ANKH: variants seen among roughly 807,000 people sequenced by gnomAD.
ANKH encodes the protein mineralization regulator ANKH.
In ANKH, 15 loss-of-function variants were observed where a neutral mutation model predicts 49.0. That is an observed-to-expected ratio of 0.31 (90% confidence interval 0.20 to 0.47). The LOEUF (loss-of-function observed/expected upper bound fraction) is 0.47, where lower values mean the gene tolerates loss of function less well. Ranked by LOEUF, ANKH falls within the 20% of genes least tolerant of loss-of-function variation. The probability of loss-of-function intolerance (pLI) is 1.00; values close to 1 mark genes in which losing one functional copy is unlikely to be tolerated. For synonymous variants in ANKH, 273 were observed against 260.0 expected, an observed-to-expected ratio of 1.05 and a Z score of -0.48; for missense variants, 429 against 652.0, an observed-to-expected ratio of 0.66 and a Z score of 3.72.
chr5:14,865,681 T>C (rs1219346514), intron 1 of ANKH, among the ~76,000 whole-genome samples: 1 of 152,234 alleles, frequency 6.6e-6, no homozygotes, highest in African/African-American at 2.4e-5. Flanking sequence ...TGCCATATAC[T>C]GCATCTGTCC....
chr5:14,829,890 C>T, intron 1 of ANKH, among the ~76,000 whole-genome samples: 1 of 152,300 alleles, frequency 6.6e-6, no homozygotes, highest in East Asian at 1.9e-4. Context: ...ATCCACCTAG[C>T]CTCTAAAATG....
rs777229764 is a variant in ANKH at position 14,711,215 on chromosome 5, C to T, written c.1461G>A (p.Met487Ile). The T allele has an allele frequency of 2.3e-5, 37 of 1,614,194 alleles. No homozygotes were observed. The Admixed American group carries it at 5.8e-4, about 25-fold the overall frequency. The change falls in exon 12 of 12, where the codon ATG becomes ATA. Residue 487 changes from methionine to isoleucine, a missense_variant. Met to Ile is a conservative substitution (Grantham distance 10, BLOSUM62 1). Coordinates refer to ENST00000284268, the MANE Select transcript of ANKH (RefSeq NM_054027.6). Reference sequence around the variant, plus strand: ...CCGTGCCTTATTCATTCTCCTCTCTCATTTCCACGATGTCTGTCACCTCCT... The same window carrying T: ...CCGTGCCTTATTCATTCTCCTCTCTTATTTCCACGATGTCTGTCACCTCCT... ...PTEEVTDIVE[M>I]REENE is the part of the protein sequence containing the mutation.
In ANKH at chr5:14,770,323, A is replaced by C. The variant is rs1739393701; in HGVS notation, c.97-1132T>G. Among the ~76,000 whole-genome samples the C allele has an allele frequency of 1.3e-5, 2 of 152,072 alleles. No individual in the cohort carries two copies. Among genetic ancestry groups the C allele is most frequent in the Non-Finnish European group, 1.5e-5 (1 of 68,024 alleles). The stretch of plus-strand genomic sequence containing the variant: ...CTACACGGACACATCATTATTACTC[A>C]AAGACCAGACAGTAGTCCCCCCTTA... On this transcript the variant is annotated intron_variant, in intron 1 of 11. Transcript: ENST00000284268. This position sits in a 1 kb window ranked among gnomAD's most constrained non-coding sequence, Gnocchi z 4.1.
chr5:14,813,742 T>C (rs1243935007), intron 1 of ANKH, among the ~76,000 whole-genome samples: 1 of 152,224 alleles, frequency 6.6e-6, no homozygotes, highest in African/African-American at 2.4e-5. Context: ...AGCTCTCCGT[T>C]GCTTCTTGCC....
intron 1 of ANKH, among the ~76,000 whole-genome samples, chr5:14,791,115 CT>C (rs1740151051): frequency 6.6e-6 from 1 of 152,196 alleles, no homozygotes; most frequent in Non-Finnish European, 1.5e-5. Flanking sequence ...AATATTGGGA[CT>C]TTGGCCTCTA....
intron 1 of ANKH, among the ~76,000 whole-genome samples, chr5:14,786,914 A>C (rs73050616): frequency 0.012 from 1,774 of 152,340 alleles, 41 homozygotes; most frequent in African/African-American, 0.041. Flanking sequence ...ATAATAATCC[A>C]TGTGTCCACC....
chr5:14,755,384 T>G lies in ANKH; in HGVS notation c.516+477A>C, dbSNP rs73048873. 8.7e-4 allele frequency among the ~76,000 whole-genome samples: 132 copies of G among 152,246 alleles called. 1 individual carries two copies. The highest frequency in any genetic ancestry group is 3.0e-3 in the African/African-American group (125 of 41,540). On this transcript the variant is annotated intron_variant, in intron 4 of 11. Coordinates refer to ENST00000284268, the MANE Select transcript of ANKH (RefSeq NM_054027.6). ...CTGGTTCCTTCTAAATGTGGGGAAG[T>G]GACCTGTGAATGGCAGCCCTGCATG...
intron 5 of ANKH, 39 bp from the exon 6 acceptor site, chr5:14,749,345 A>G (rs372985825): frequency 3.7e-6 from 6 of 1,612,634 alleles, no homozygotes; most frequent in Non-Finnish European, 5.1e-6. Flanking sequence ...CCTGAACTCT[A>G]GAAGCAGAAT....
chr5:14,793,067 AT>A (rs1482553915), intron 1 of ANKH, among the ~76,000 whole-genome samples: 7 of 24,844 alleles, frequency 2.8e-4, no homozygotes, highest in Admixed American at 7.2e-4. Context: ...TAAAATATAT[AT>A]AAATATATAA....
At chr5:14,831,910 T>C (rs1200872681) in intron 1 of ANKH, among the ~76,000 whole-genome samples, 1 of 152,166 alleles carries the variant, frequency 6.6e-6, no homozygotes, top group Admixed American at 6.6e-5. Flanking sequence ...GGAAGATGAA[T>C]GAACTTTCAG....
intron 1 of ANKH, among the ~76,000 whole-genome samples, chr5:14,840,838 CCTGGAAGGTGA>C (rs1444883803): frequency 5.9e-5 from 9 of 152,076 alleles, no homozygotes; most frequent in Admixed American, 1.3e-4. Context: ...CAAGGGGCAT[CCTGGAAGGTGA>C]CTGCAAGGGC....
intron 4 of ANKH, among the ~76,000 whole-genome samples, chr5:14,751,676 CTT>C (rs1738724171): frequency 1.3e-5 from 2 of 152,038 alleles, no homozygotes; most frequent in Admixed American, 1.3e-4. Flanking sequence ...AACCCATTAA[CTT>C]AGTAAAATTT....
intron 1 of ANKH, among the ~76,000 whole-genome samples, chr5:14,816,626 C>T (rs558075022): frequency 6.6e-6 from 1 of 152,250 alleles, no homozygotes; most frequent in Admixed American, 6.5e-5. Context: ...TTTATTTGGG[C>T]ATCAATATTT....
At chr5:14,827,780 G>A (rs1052872920) in intron 1 of ANKH, among the ~76,000 whole-genome samples, 8 of 152,114 alleles carry the variant, frequency 5.3e-5, no homozygotes, top group Non-Finnish European at 1.0e-4. Flanking sequence ...TACTCACTGA[G>A]TGCTGATAAC....
chr5:14,716,271 G>A (rs1226238972), intron 9 of ANKH, among the ~76,000 whole-genome samples: 2 of 152,160 alleles, frequency 1.3e-5, no homozygotes, highest in African/African-American at 2.4e-5. Flanking sequence ...CCGAGGAGGA[G>A]CACTTGAGGC....
Position 14,760,477 on chromosome 5 carries a change from C to T in ANKH, c.314-1879G>A, listed in dbSNP as rs139791584. Among the ~76,000 whole-genome samples, 5 of 152,352 alleles carry T rather than the reference C, an allele frequency of 3.3e-5. No homozygotes were observed. The East Asian group carries it at 9.6e-4, about 29-fold the overall frequency. On this transcript the variant is annotated intron_variant, in intron 2 of 11. Transcript: ENST00000284268. Reference sequence around the variant, plus strand: ...AGAATGAAGATGTTACTTAATCATACAGATGATCTACTTTGGGTGCCGAAC... The same window carrying T: ...AGAATGAAGATGTTACTTAATCATATAGATGATCTACTTTGGGTGCCGAAC...
intron 8 of ANKH, among the ~76,000 whole-genome samples, chr5:14,729,629 G>A (rs1580011538): frequency 6.6e-6 from 1 of 152,150 alleles, no homozygotes; most frequent in Non-Finnish European, 1.5e-5. Context: ...CTTCCAAGAA[G>A]AGGTGGTCAG....
chr5:14,777,872 C>T lies in ANKH; in HGVS notation c.97-8681G>A, dbSNP rs79215414. On this transcript the variant is annotated intron_variant, in intron 1 of 11. Transcript: ENST00000284268. ...ATAAGTTGGGCCCATGAGCCCACCC[C>T]GGCCACAGTAACAGAGTGGTCCCCT... Among the ~76,000 whole-genome samples the T allele has an allele frequency of 2.7e-3, 415 of 152,316 alleles. 1 individual carries two copies. Among genetic ancestry groups the T allele is most frequent in the African/African-American group, 9.6e-3 (397 of 41,568 alleles).
chr5:14,727,568 C>T (rs1232579173), intron 8 of ANKH, among the ~76,000 whole-genome samples: 2 of 151,976 alleles, frequency 1.3e-5, no homozygotes, highest in African/African-American at 4.8e-5. Context: ...TGTCCAACTC[C>T]TATTCCTTTT....
Sources: gnomAD v4.1 joint callset for allele counts (sites outside exome capture counted in the v4.1 genomes callset) on GRCh38, gnomAD v4.1.1 for gene constraint, Gnocchi (gnomAD v3.1) non-coding constraint, MANE v1.5 for transcripts, NCBI Gene and HGNC (gene_info 2026-07-23, HGNC 2026-07-21) for gene names.